The following TFIP11 variants were observed in gnomAD, a reference collection of about 807,000 sequenced individuals.
TFIP11 encodes tuftelin interacting protein 11.
In TFIP11, 86 loss-of-function variants were observed where a neutral mutation model predicts 96.8. The ratio of observed to expected loss-of-function variants is 0.89; its 90% CI spans 0.75 to 1.06. The LOEUF is 1.06. Among genes scored for constraint, TFIP11 ranks in the 50% least tolerant of loss-of-function variants. The pLI is 0.00. For missense variants in TFIP11, 881 were observed against 1,076.7 expected (o/e 0.82, Z 2.54); for synonymous variants, 405 against 395.2 (o/e 1.02, Z -0.29).
chr22:26,502,485 C>G (rs1253227027), intron 7 of TFIP11, among the ~76,000 whole-genome samples: 2 of 152,188 alleles, frequency 1.3e-5, no homozygotes, highest in African/African-American at 2.4e-5. Flanking sequence ...GCAAAGGTGT[C>G]TCTTACAATC....
At position 26,494,147 on chromosome 22, in the gene TFIP11, G is replaced by C. The variant is rs1228601875; in HGVS notation, c.2150C>G (p.Ser717Cys). Residue 717 changes from serine to cysteine, a missense_variant, in exon 14 of 15, where the codon TCC (serine) becomes TGC (cysteine). Physicochemically the swap from Ser to Cys is moderately radical, Grantham distance 112. Transcript: ENST00000407690. Reference sequence around the variant, plus strand: ...TGGGAATCCTCACTTACCAACGTTGGAGGACACCGCCCGGTTCATGATATC... The same window carrying C: ...TGGGAATCCTCACTTACCAACGTTGCAGGACACCGCCCGGTTCATGATATC... ...ALDIMNRAVSSNVGAYMQPGA... is the reference protein window; with the variant it reads ...ALDIMNRAVSCNVGAYMQPGA... 1 of 1,613,768 alleles carries C rather than the reference G, an allele frequency of 6.2e-7. No individual in the cohort carries two copies. Among genetic ancestry groups the C allele is most frequent in the Non-Finnish European group, 8.5e-7 (1 of 1,179,778 alleles).
intron 6 of TFIP11, 167 bp downstream of exon 6, chr22:26,506,136 G>T: frequency 1.7e-6 from 1 of 602,472 alleles, no homozygotes; most frequent in Non-Finnish European, 2.7e-6. Flanking sequence ...TTTAACTTGA[G>T]CTTTGATAAA....
At chr22:26,499,665 G>A (rs369170178) in intron 8 of TFIP11, 34 bp from the exon 9 acceptor site, 18 of 1,570,110 alleles carry the variant, frequency 1.1e-5, no homozygotes, top group East Asian at 2.2e-5. Context: ...GGTTAACACC[G>A]CTGCAGCCCT....
chr22:26,496,675 C>T, intron 11 of TFIP11, 46 bp downstream of exon 11: 2 of 1,601,606 alleles, frequency 1.2e-6, no homozygotes, highest in Non-Finnish European at 1.7e-6. Flanking sequence ...CTGAACAAGT[C>T]CCTGTGATTA....
intron 8 of TFIP11, 76 bp downstream of exon 8, chr22:26,501,804 AAAAGCCTAGCTAAAAGATCC>A: frequency 1.2e-6 from 1 of 833,446 alleles, no homozygotes; most frequent in Non-Finnish European, 1.7e-6. Context: ...AAAAAAAAAA[AAAAGCCTAGCTAAAAGATCC>A]AAAAAACCCT....
chr22:26,503,819 G>A (rs74987522), intron 6 of TFIP11, 26 bp from the exon 7 acceptor site: 1 of 1,604,590 alleles, frequency 6.2e-7, no homozygotes, highest in Non-Finnish European at 8.5e-7. Flanking sequence ...AAAAAAAAAA[G>A]AGAGTCTTAC....
At chr22:26,494,386 G>C (rs1423656180) in intron 13 of TFIP11, 82 bp from the exon 14 acceptor site, 29 of 1,529,372 alleles carry the variant, frequency 1.9e-5, no homozygotes, top group Non-Finnish European at 2.4e-5. Flanking sequence ...GTTTTGTTTT[G>C]ATCCTGGTCC....
At chr22:26,504,300 T>C (rs1045516826) in intron 6 of TFIP11, among the ~76,000 whole-genome samples, 2 of 152,224 alleles carry the variant, frequency 1.3e-5, no homozygotes, top group Non-Finnish European at 2.9e-5. Flanking sequence ...AAACGTTGTT[T>C]TTCTCATAAA....
chr22:26,497,395 G>A (rs1297016728), intron 10 of TFIP11, among the ~76,000 whole-genome samples: 1 of 152,080 alleles, frequency 6.6e-6, no homozygotes, highest in African/African-American at 2.4e-5. Context: ...TGTCTGCTGT[G>A]CTCCTAGGGT....
chr22:26,502,117 C>A, intron 7 of TFIP11, 65 bp from the exon 8 acceptor site: 1 of 1,597,538 alleles, frequency 6.3e-7, no homozygotes, highest in Non-Finnish European at 8.6e-7. Flanking sequence ...GGTGAGGTAG[C>A]TGAGACCATT....
At chr22:26,508,405 G>A (rs1201118251) in intron 4 of TFIP11, among the ~76,000 whole-genome samples, 2 of 152,176 alleles carry the variant, frequency 1.3e-5, no homozygotes, top group African/African-American at 2.4e-5. Flanking sequence ...AAATAGCCAG[G>A]ACAAGTAAGC....
intron 3 of TFIP11, 101 bp from the exon 4 acceptor site, chr22:26,510,382 C>T (rs187870111): frequency 8.8e-7 from 1 of 1,137,648 alleles, no homozygotes; most frequent in African/African-American, 1.5e-5. Context: ...AGAACTTTCT[C>T]CAAATTCAAA....
At chr22:26,511,711 G>T (rs1343116054) in intron 2 of TFIP11, 1 of 152,196 alleles carries the variant, frequency 6.6e-6, no homozygotes, top group Non-Finnish European at 1.5e-5. Flanking sequence ...AAGGCACACG[G>T]AGTTCACTAC....
rs111486190 is a variant in TFIP11, at chr22:26,499,647, G to A, written c.802-16C>T. The A allele has an allele frequency of 8.5e-5, 135 of 1,594,030 alleles. 1 individual carries two copies. In the African/African-American group the frequency reaches 1.5e-3, roughly 17 times the overall value. ...TGTCTATGACCTTGGAAAACATAGA[G>A]GGATGAAGGTTAACACCGCTGCAGC... On this transcript the variant is annotated splice_polypyrimidine_tract_variant and intron_variant, in intron 8 of 14. Coordinates refer to ENST00000407690, the MANE Select transcript of TFIP11 (RefSeq NM_012143.4).
chr22:26,494,299 C>A lies in TFIP11; in HGVS notation c.1998G>T (p.Leu666=). The A allele has an allele frequency of 6.2e-7, 1 of 1,614,208 alleles. No individual in the cohort carries two copies. Among genetic ancestry groups the A allele is most frequent in the Non-Finnish European group, 8.5e-7 (1 of 1,180,044 alleles). The part of the protein sequence containing the change: ...KHFFPKWLQV[L]CSWLSNSPNY... ...TTGGGCTGTTACTGAGCCAAGAGCA[C>A]AGCACCTGCCAAAAAGAAAAATTAC... The change falls in exon 14 of 15, where the codon CTG becomes CTT. Residue 666 remains leucine (L), a synonymous_variant. Coordinates refer to ENST00000407690, the MANE Select transcript of TFIP11 (RefSeq NM_012143.4).
Position 26,491,983 on chromosome 22 carries a change from GTC to G in TFIP11, c.*28_*29del. The G allele has an allele frequency of 3.2e-6, 5 of 1,554,860 alleles. No homozygotes were observed. Among genetic ancestry groups the G allele is most frequent in the Non-Finnish European group, 4.4e-6 (5 of 1,146,292 alleles). On this transcript the variant is annotated 3_prime_UTR_variant, in exon 15 of 15. Coordinates refer to ENST00000407690, the MANE Select transcript of TFIP11 (RefSeq NM_012143.4). The stretch of plus-strand genomic sequence containing the variant: ...TACAGTACATCCCTCTTAGGGGCAA[GTC>G]TCTGACTGGTTCTGGACCTGCCACA...
chr22:26,496,644 C>A, intron 11 of TFIP11, 77 bp downstream of exon 11: 1 of 1,539,836 alleles, frequency 6.5e-7, no homozygotes, highest in South Asian at 1.2e-5. Flanking sequence ...TTTAACAGCA[C>A]TGAGATAATG....
In TFIP11 at chr22:26,506,376, T is replaced by G. The variant is rs755861313; in HGVS notation, c.447A>C (p.Thr149=). 5 of 1,613,920 alleles carry G rather than the reference T, an allele frequency of 3.1e-6. No individual in the cohort carries two copies. The highest frequency in any genetic ancestry group is 1.6e-4 in the Middle Eastern group (1 of 6,082). ...GAAGAAGCTTCTGTCCAATTCCTTT[T>G]GTGTGTCTTTCCCAGCTGCCGAAGT... The part of the protein sequence containing the change: ...FMDFGSWERH[T]KGIGQKLLQK... Residue 149 remains threonine, a synonymous_variant, in exon 6 of 15, where the codon ACA becomes ACC. Coordinates refer to ENST00000407690, the MANE Select transcript of TFIP11 (RefSeq NM_012143.4).
At chr22:26,502,260 G>A (rs896320832) in intron 7 of TFIP11, among the ~76,000 whole-genome samples, 1 of 152,040 alleles carries the variant, frequency 6.6e-6, no homozygotes, top group African/African-American at 2.4e-5. Flanking sequence ...CAAATAATGA[G>A]GTTCAGAAGG....
Sources: allele counts gnomAD v4.1 joint callset (sites outside exome capture counted in the v4.1 genomes callset), GRCh38; gene constraint gnomAD v4.1.1; transcripts MANE v1.5; gene names NCBI Gene and HGNC (gene_info 2026-07-23, HGNC 2026-07-21).